ACOX3: variants seen among roughly 807,000 people sequenced by gnomAD.
ACOX3 encodes acyl-CoA oxidase 3, pristanoyl.
A neutral mutation model predicts 81.5 loss-of-function variants in ACOX3; 73 were observed. That is an observed-to-expected ratio of 0.90 (90% CI 0.74 to 1.09). The LOEUF (loss-of-function observed/expected upper bound fraction) is 1.09. Among genes scored for constraint, ACOX3 ranks in the 50% least tolerant of loss-of-function variants. The pLI is 0.00. For missense variants in ACOX3, 947 were observed against 928.0 expected, an observed-to-expected ratio of 1.02 and a Z score of -0.27; for synonymous variants, 387 against 375.1, an observed-to-expected ratio of 1.03 and a Z score of -0.37.
intron 1 of ACOX3, among the ~76,000 whole-genome samples, chr4:8,440,143 C>G (rs531579546): frequency 4.0e-4 from 59 of 147,788 alleles, no homozygotes; most frequent in African/African-American, 1.4e-3. Flanking sequence ...CCCATGCTTG[C>G]TCAATTTATC....
chr4:8,415,212 C>T (rs1176737059), intron 3 of ACOX3, among the ~76,000 whole-genome samples: 1 of 152,112 alleles, frequency 6.6e-6, no homozygotes, highest in Non-Finnish European at 1.5e-5. Flanking sequence ...ACAGAAATCA[C>T]CTGGGAATTA....
At chr4:8,396,804 C>T (rs773009334) in intron 9 of ACOX3, 133 bp downstream of exon 9, 21 of 1,079,134 alleles carry the variant, frequency 1.9e-5, no homozygotes, top group African/African-American at 8.4e-5. Flanking sequence ...GCCGCACTCC[C>T]GCTAACTAAT....
At position 8,377,172 on chromosome 4, in the gene ACOX3, G is replaced by A. The variant is rs1053687400; in HGVS notation, c.1654-2020C>T. On this transcript the variant is annotated intron_variant, in intron 14 of 17. Transcript: ENST00000356406. ...TCTCCTCTCGCCATGGGTCCTCTGC[G>A]AACCCAGAGATGAGGCCAATCCCAG... 7.9e-5 allele frequency among the ~76,000 whole-genome samples: 12 copies of A among 152,162 alleles called. No homozygotes were observed. The East Asian group carries it at 2.1e-3, about 27-fold the overall frequency.
intron 8 of ACOX3, among the ~76,000 whole-genome samples, chr4:8,397,772 A>G (rs1466209064): frequency 6.6e-6 from 1 of 152,204 alleles, no homozygotes; most frequent in Non-Finnish European, 1.5e-5. Flanking sequence ...CACTCCTCTG[A>G]CCATCTAGGT....
chr4:8,385,434 C>T lies in ACOX3; in HGVS notation c.1537+3739G>A, dbSNP rs1431539632. On this transcript the variant is annotated intron_variant, in intron 13 of 17. Coordinates refer to ENST00000356406, the MANE Select transcript of ACOX3 (RefSeq NM_003501.3). This position sits in a 1 kb window ranked among gnomAD's most constrained non-coding sequence, Gnocchi z 5.5. ...CCCTATGTCACCTCTGGCCCACATCCCATGACCTTGCAGTCCACAAATACA... is the reference window on the plus strand; with the variant it reads ...CCCTATGTCACCTCTGGCCCACATCTCATGACCTTGCAGTCCACAAATACA... Among the ~76,000 whole-genome samples, 2 of 152,342 alleles carry T rather than the reference C, an allele frequency of 1.3e-5. No individual in the cohort carries two copies. Among genetic ancestry groups the T allele is most frequent in the African/African-American group, 2.4e-5 (1 of 41,574 alleles).
At chr4:8,433,543 A>C (rs145995236) in intron 1 of ACOX3, among the ~76,000 whole-genome samples, 75 of 152,358 alleles carry the variant, frequency 4.9e-4, no homozygotes, top group African/African-American at 1.8e-3. Context: ...CTGGAAAACT[A>C]AGATAGCATA....
rs1048456775 is a variant in ACOX3 at position 8,381,064 on chromosome 4, C to T, written c.1653+428G>A. Among the ~76,000 whole-genome samples the T allele has an allele frequency of 3.9e-5, 6 of 152,282 alleles. No individual in the cohort carries two copies. Among genetic ancestry groups the T allele is most frequent in the Non-Finnish European group, 7.4e-5 (5 of 68,012 alleles). On this transcript the variant is annotated intron_variant, in intron 14 of 17. Coordinates refer to ENST00000356406, the MANE Select transcript of ACOX3 (RefSeq NM_003501.3). The surrounding 1 kb of genome is among the most constrained non-coding windows in gnomAD (Gnocchi z 4.3). ...AGCGCTTTCCAAGGCCAACGATGAC[C>T]CACTCACCATTGCCACCCCAGCCCC...
At chr4:8,361,152 G>A in the ACOX3 span, among the ~76,000 whole-genome samples, 11 of 151,938 alleles carry the variant, frequency 7.2e-5, no homozygotes, top group Non-Finnish European at 1.6e-4. Context: ...GGCCGGGCGC[G>A]GTGGCTCACG....
At chr4:8,424,320 G>A (rs1000477020) in intron 1 of ACOX3, among the ~76,000 whole-genome samples, 1 of 152,200 alleles carries the variant, frequency 6.6e-6, no homozygotes, top group Non-Finnish European at 1.5e-5. Flanking sequence ...CCCTAAAGAA[G>A]GCCCTAATCC....
rs778722845 is a variant in ACOX3 at position 8,416,042 on chromosome 4, A to G, written c.145-43T>C. 1 of 1,581,102 alleles carries G rather than the reference A, an allele frequency of 6.3e-7. No homozygotes were observed. The highest frequency in any genetic ancestry group is 1.1e-5 in the South Asian group (1 of 89,792). On this transcript the variant is annotated intron_variant, in intron 2 of 17. Transcript: ENST00000356406. This position sits in a 1 kb window ranked among gnomAD's most constrained non-coding sequence, Gnocchi z 4.2. Reference sequence around the variant, plus strand: ...GGGTAAGGCTTATTTGGAGTAAAAGATGGACTCTCCATGTGCCCTTATATA... The same window carrying G: ...GGGTAAGGCTTATTTGGAGTAAAAGGTGGACTCTCCATGTGCCCTTATATA...
rs999743548 is a variant in ACOX3 at position 8,389,110 on chromosome 4, C to A, written c.1537+63G>T. 5.7e-6 allele frequency: 8 copies of A among 1,409,500 alleles called. No homozygotes were observed. The highest frequency in any genetic ancestry group is 8.0e-6 in the Non-Finnish European group (8 of 1,003,718). The allele number at this position is 1,409,500 out of a possible 1,614,324, so 87.3% of individuals were successfully genotyped here. A position where few individuals can be genotyped will look rare whatever the true frequency, so the allele number is the denominator to read the frequency against. On this transcript the variant is annotated intron_variant, in intron 13 of 17. Transcript: ENST00000356406. This position sits in a 1 kb window ranked among gnomAD's most constrained non-coding sequence, Gnocchi z 5.3. Reference sequence around the variant, plus strand: ...AGGGTCCCCTCACCGAGGCACGGTGCGTTTCCTGGTGGGAATGACAGGAAA... The same window carrying A: ...AGGGTCCCCTCACCGAGGCACGGTGAGTTTCCTGGTGGGAATGACAGGAAA...
In ACOX3 at chr4:8,399,862, G is replaced by A. The variant is rs139185523; in HGVS notation, c.777-210C>T. On this transcript the variant is annotated intron_variant, in intron 7 of 17. Transcript: ENST00000356406. This position sits in a 1 kb window ranked among gnomAD's most constrained non-coding sequence, Gnocchi z 4.9. ...CGCCCAGAATCCCAACTCTTTGGAAGACTGAGGCAGGAGGATTGCTTGAGC... is the reference window on the plus strand; with the variant it reads ...CGCCCAGAATCCCAACTCTTTGGAAAACTGAGGCAGGAGGATTGCTTGAGC... 0.014 allele frequency among the ~76,000 whole-genome samples: 2,093 copies of A among 152,302 alleles called. 54 individuals carry two copies. Among genetic ancestry groups the A allele is most frequent in the African/African-American group, 0.047 (1,970 of 41,554 alleles).
In ACOX3 at chr4:8,396,864, G is replaced by T. The variant is rs950412810; in HGVS notation, c.1056+73C>A. On this transcript the variant is annotated intron_variant, in intron 9 of 17. Coordinates refer to ENST00000356406, the MANE Select transcript of ACOX3 (RefSeq NM_003501.3). ...TTTGATCAACTCCCAGTAACCAAACGGCAACTATGTAAAAGAAGTGAATTT... is the reference window on the plus strand; with the variant it reads ...TTTGATCAACTCCCAGTAACCAAACTGCAACTATGTAAAAGAAGTGAATTT... 72 of 1,537,616 alleles carry T rather than the reference G, an allele frequency of 4.7e-5. No homozygotes were observed. The Admixed American group carries it at 1.2e-3, about 26-fold the overall frequency.
In ACOX3 at chr4:8,366,991, A is replaced by G; in HGVS notation, c.2073T>C (p.Pro691=). The part of the protein sequence containing the change: ...SWWPEFSVNK[P]VIGSLKSKL ...GCTTCGATTTCAGACTTCCTATGACAGGTTTGTTCACAGAAAACTCTGGCC... is the reference window on the plus strand; with the variant it reads ...GCTTCGATTTCAGACTTCCTATGACGGGTTTGTTCACAGAAAACTCTGGCC... The change falls in exon 18 of 18, where the codon CCT becomes CCC. Residue 691 remains proline (P), a synonymous_variant. Transcript: ENST00000356406. The G allele has an allele frequency of 1.2e-6, 2 of 1,614,100 alleles. No individual in the cohort carries two copies. Among genetic ancestry groups the G allele is most frequent in the East Asian group, 2.2e-5 (1 of 44,880 alleles).
At chr4:8,359,238 G>C in the ACOX3 span, among the ~76,000 whole-genome samples, 1 of 152,206 alleles carries the variant, frequency 6.6e-6, no homozygotes, top group Non-Finnish European at 1.5e-5. This position sits in a 1 kb window ranked among gnomAD's most constrained non-coding sequence, Gnocchi z 6.0. Flanking sequence ...AAAAGAAGTA[G>C]ACTGCACCAC....
At chr4:8,411,666 C>A (rs1252438749) in intron 5 of ACOX3, among the ~76,000 whole-genome samples, 2 of 152,248 alleles carry the variant, frequency 1.3e-5, no homozygotes, top group Non-Finnish European at 2.9e-5. Context: ...ATCTTTCCCA[C>A]TGTCTCGACT....
In ACOX3 at chr4:8,368,229, C is replaced by T. The variant is rs1715714718; in HGVS notation, c.1984-1149G>A. Among the ~76,000 whole-genome samples, 1 of 152,236 alleles carries T rather than the reference C, an allele frequency of 6.6e-6. No homozygotes were observed. On this transcript the variant is annotated intron_variant, in intron 17 of 17. Transcript: ENST00000356406. The surrounding 1 kb of genome is among the most constrained non-coding windows in gnomAD (Gnocchi z 5.9). ...ACCACACCCTGCTCCTCTGGTCCTG[C>T]CCCGGGCCAGCACTCCCCTACGGGA...
intron 1 of ACOX3, among the ~76,000 whole-genome samples, chr4:8,436,646 C>G (rs1274296277): frequency 6.6e-6 from 1 of 151,986 alleles, no homozygotes; most frequent in African/African-American, 2.4e-5. Context: ...TGACAAGAGC[C>G]TAAGTCAGTT....
chr4:8,413,850 G>A (rs969211950), intron 5 of ACOX3, among the ~76,000 whole-genome samples: 3 of 152,268 alleles, frequency 2.0e-5, no homozygotes, highest in African/African-American at 7.2e-5. Context: ...CTGCGGTGGC[G>A]GAAATGGACA....
Sources: allele counts gnomAD v4.1 joint callset (sites outside exome capture counted in the v4.1 genomes callset), GRCh38; gene constraint gnomAD v4.1.1; non-coding constraint Gnocchi (gnomAD v3.1); transcripts MANE v1.5; gene names NCBI Gene and HGNC (gene_info 2026-07-23, HGNC 2026-07-21).